DOCK4: variants seen among roughly 807,000 people sequenced by gnomAD.
The protein encoded by DOCK4 is dedicator of cytokinesis 4.
In DOCK4, 97 loss-of-function variants were observed where a neutral mutation model predicts 268.1. The observed-to-expected ratio is 0.36, with a 90% confidence interval of 0.31 to 0.43. The LOEUF (loss-of-function observed/expected upper bound fraction) is 0.43. Ranked by LOEUF, DOCK4 falls within the 20% of genes least tolerant of loss-of-function variation. DOCK4 has a pLI of 1.00. For missense variants in DOCK4, 2,145 were observed against 2,455.7 expected, an observed-to-expected ratio of 0.87 and a Z score of 2.67; for synonymous variants, 954 against 887.2, an observed-to-expected ratio of 1.08 and a Z score of -1.34.
chr7:112,205,014 C>G (rs1395109731), intron 1 of DOCK4, among the ~76,000 whole-genome samples: 1 of 152,024 alleles, frequency 6.6e-6, no homozygotes, highest in Non-Finnish European at 1.5e-5. Context: ...TTGCATTTGG[C>G]CGGCTGCAGC....
At chr7:112,008,321 G>C (rs936895578) in intron 1 of DOCK4, among the ~76,000 whole-genome samples, 1 of 152,136 alleles carries the variant, frequency 6.6e-6, no homozygotes, top group Non-Finnish European at 1.5e-5. Flanking sequence ...CAGTTTACAG[G>C]AAAGTCCTTA....
chr7:111,871,920 A>G (rs992610866), intron 20 of DOCK4, 70 bp downstream of exon 20: 1 of 1,271,884 alleles, frequency 7.9e-7, no homozygotes, highest in Non-Finnish European at 1.1e-6. Flanking sequence ...ATTTTCCTAT[A>G]TCGCCTCTTC....
At chr7:112,003,775 G>A (rs1270399377) in intron 2 of DOCK4, among the ~76,000 whole-genome samples, 1 of 152,076 alleles carries the variant, frequency 6.6e-6, no homozygotes, top group African/African-American at 2.4e-5. Flanking sequence ...CTTCTAGTTT[G>A]GCACTGAGTC....
At chr7:111,763,014 G>A (rs1474000575) in intron 39 of DOCK4, among the ~76,000 whole-genome samples, 6 of 151,512 alleles carry the variant, frequency 4.0e-5, no homozygotes, top group Non-Finnish European at 5.9e-5. Context: ...GTGATCCTCT[G>A]GCCTTGGCCT....
At chr7:112,101,988 A>G (rs1056307622) in intron 1 of DOCK4, among the ~76,000 whole-genome samples, 23 of 151,968 alleles carry the variant, frequency 1.5e-4, no homozygotes, top group Non-Finnish European at 2.2e-4. Flanking sequence ...GACTACAGGC[A>G]CCCGCCACCA....
chr7:111,993,427 A>G (rs1211870095), intron 5 of DOCK4, among the ~76,000 whole-genome samples: 1 of 152,206 alleles, frequency 6.6e-6, no homozygotes, highest in Non-Finnish European at 1.5e-5. Flanking sequence ...TGACAGCACC[A>G]TATTCATACC....
chr7:111,903,255 C>A, intron 13 of DOCK4, among the ~76,000 whole-genome samples: 1 of 152,094 alleles, frequency 6.6e-6, no homozygotes, highest in Non-Finnish European at 1.5e-5. Context: ...GACAAGGATA[C>A]AGGTGGGCCA....
chr7:111,794,744 G>A (rs1040682103), intron 30 of DOCK4, among the ~76,000 whole-genome samples: 2 of 152,140 alleles, frequency 1.3e-5, no homozygotes, highest in African/African-American at 4.8e-5. Context: ...TACAGAGAAG[G>A]CAGCTAAAAT....
At chr7:112,120,281 T>C (rs1377233130) in intron 1 of DOCK4, among the ~76,000 whole-genome samples, 1 of 152,020 alleles carries the variant, frequency 6.6e-6, no homozygotes, top group East Asian at 1.9e-4. Flanking sequence ...AATTGCAGAA[T>C]TTTTTTTCAT....
intron 1 of DOCK4, among the ~76,000 whole-genome samples, chr7:112,031,879 C>T (rs546085950): frequency 1.3e-5 from 2 of 152,234 alleles, no homozygotes; most frequent in Admixed American, 6.5e-5. Context: ...GATACATGCA[C>T]GGTACCTTAC....
chr7:112,158,819 A>G (rs2116471898), intron 1 of DOCK4, among the ~76,000 whole-genome samples: 1 of 152,346 alleles, frequency 6.6e-6, no homozygotes, highest in South Asian at 2.1e-4. Context: ...ATGTTTCTCA[A>G]GCTCCTGACA....
chr7:111,882,572 AATCCCTTT>A (rs1459557965), intron 16 of DOCK4, among the ~76,000 whole-genome samples: 1 of 152,184 alleles, frequency 6.6e-6, no homozygotes, highest in Admixed American at 6.5e-5. Context: ...TTAAGCATAG[AATCCCTTT>A]AGTGTTCTAG....
chr7:112,136,476 A>G (rs987140410), intron 1 of DOCK4, among the ~76,000 whole-genome samples: 1 of 152,102 alleles, frequency 6.6e-6, no homozygotes, highest in Non-Finnish European at 1.5e-5. Context: ...GCCATAATTC[A>G]CTCGCTCCCT....
chr7:111,858,694 C>T (rs933022108), intron 23 of DOCK4, among the ~76,000 whole-genome samples: 2 of 152,178 alleles, frequency 1.3e-5, no homozygotes, highest in Non-Finnish European at 1.5e-5. Flanking sequence ...GGGTCTCCAG[C>T]GTACTGACTG....
chr7:112,054,827 C>G lies in DOCK4; in HGVS notation c.38-50696G>C, dbSNP rs77172597. 9.1e-3 allele frequency among the ~76,000 whole-genome samples: 1,377 copies of G among 152,066 alleles called. 8 individuals carry two copies. The highest frequency in any genetic ancestry group is 0.014 in the Non-Finnish European group (969 of 67,974). ...TTTTCAAAGCCCTTTGTACTTATTC[C>G]AAGAAGGATTAAAGTAATTTAAGAC... On this transcript the variant is annotated intron_variant, in intron 1 of 52. Coordinates refer to ENST00000428084, the MANE Select transcript of DOCK4 (RefSeq NM_001363540.2).
In DOCK4 at chr7:111,986,386, A is replaced by AGC. The variant is rs1257834742; in HGVS notation, c.465-1998_465-1997dup. On this transcript the variant is annotated intron_variant, in intron 6 of 52. Coordinates refer to ENST00000428084, the MANE Select transcript of DOCK4 (RefSeq NM_001363540.2). ...TAGTCTTGATTGTTCAGCTTCTGTT[A>AGC]GCTTCCTGGCGTCCTGGTTATGTGA... 3.9e-5 allele frequency among the ~76,000 whole-genome samples: 6 copies of AGC among 152,186 alleles called. No individual in the cohort carries two copies. In the East Asian group the frequency reaches 1.2e-3, roughly 29 times the overall value.
chr7:111,978,463 C>A (rs1268418150), intron 7 of DOCK4, among the ~76,000 whole-genome samples: 1 of 152,162 alleles, frequency 6.6e-6, no homozygotes, highest in African/African-American at 2.4e-5. Context: ...AACTCCTGGA[C>A]TCAAGTGATC....
intron 26 of DOCK4, among the ~76,000 whole-genome samples, chr7:111,831,098 T>C (rs760168421): frequency 3.9e-5 from 6 of 152,108 alleles, no homozygotes; most frequent in Non-Finnish European, 8.8e-5. Context: ...TCTCCTGAAC[T>C]TCAGGCACAA....
chr7:111,933,057 T>A (rs909651463), intron 12 of DOCK4, among the ~76,000 whole-genome samples: 1 of 149,352 alleles, frequency 6.7e-6, no homozygotes, highest in Non-Finnish European at 1.5e-5. Flanking sequence ...GAGAAGTGTG[T>A]ATATATATAC....
Sources: gnomAD v4.1 joint callset for allele counts (sites outside exome capture counted in the v4.1 genomes callset) on GRCh38, gnomAD v4.1.1 for gene constraint, MANE v1.5 for transcripts, NCBI Gene and HGNC (gene_info 2026-07-23, HGNC 2026-07-21) for gene names.